KIAA1755: variants seen among roughly 807,000 people sequenced by gnomAD.
KIAA1755 encodes the protein KIAA1755.
Under a neutral mutation model 91.7 loss-of-function variants are expected in KIAA1755, and 68 were observed. That is an observed-to-expected ratio of 0.74 (90% CI 0.61 to 0.91). The LOEUF is 0.91. KIAA1755 is among the 40% of genes least tolerant of loss of function. KIAA1755 has a pLI of 0.00. For missense variants in KIAA1755, 1,535 were observed against 1,494.4 expected, an observed-to-expected ratio of 1.03 and a Z score of -0.45; for synonymous variants, 610 against 604.6, an observed-to-expected ratio of 1.01 and a Z score of -0.13.
chr20:38,251,721 G>T (rs746780116), intron 1 of KIAA1755, among the ~76,000 whole-genome samples: 2 of 151,750 alleles, frequency 1.3e-5, no homozygotes, highest in Non-Finnish European at 2.9e-5. Flanking sequence ...ACCCACCACC[G>T]CGCCCAGCTA....
chr20:38,260,261 A>C, intron 1 of KIAA1755: 1 of 1,544,728 alleles, frequency 6.5e-7, no homozygotes, highest in East Asian at 2.5e-5. Context: ...TTACAAGTAC[A>C]ATCTTACTCC....
At chr20:38,251,595 T>C (rs1293651979) in intron 1 of KIAA1755, among the ~76,000 whole-genome samples, 1 of 149,340 alleles carries the variant, frequency 6.7e-6, no homozygotes, top group African/African-American at 2.5e-5. Context: ...AGACAGAGTC[T>C]CACTTTGTCA....
At chr20:38,236,271 T>A (rs1209335246) in intron 4 of KIAA1755, among the ~76,000 whole-genome samples, 1 of 152,152 alleles carries the variant, frequency 6.6e-6, no homozygotes, top group East Asian at 1.9e-4. Flanking sequence ...AAGTTAGAGA[T>A]GTCTGTGAGA....
chr20:38,236,831 G>A (rs1236653123), intron 4 of KIAA1755: 1 of 152,238 alleles, frequency 6.6e-6, no homozygotes, highest in East Asian at 1.9e-4. Flanking sequence ...TAATGTAAAA[G>A]GGTGAGGGTG....
intron 4 of KIAA1755, among the ~76,000 whole-genome samples, chr20:38,238,771 T>C (rs1263730068): frequency 2.6e-5 from 4 of 152,202 alleles, no homozygotes; most frequent in African/African-American, 9.6e-5. Flanking sequence ...TAAATGTCTG[T>C]TACAACAATG....
At chr20:38,243,064 A>C (rs2076096167) in intron 2 of KIAA1755, among the ~76,000 whole-genome samples, 1 of 152,238 alleles carries the variant, frequency 6.6e-6, no homozygotes, top group African/African-American at 2.4e-5. Flanking sequence ...CCATGTGGCA[A>C]CAACGGAAAC....
intron 4 of KIAA1755, among the ~76,000 whole-genome samples, chr20:38,236,029 C>G (rs568031402): frequency 6.6e-5 from 10 of 152,208 alleles, no homozygotes; most frequent in African/African-American, 2.4e-4. Flanking sequence ...AGCGAGGAGA[C>G]CACTGCAGCA....
chr20:38,250,757 A>T (rs1161671176), intron 1 of KIAA1755, among the ~76,000 whole-genome samples: 1 of 151,958 alleles, frequency 6.6e-6, no homozygotes, highest in African/African-American at 2.4e-5. Context: ...TAGCCCACGA[A>T]AAAACTGGCC....
intron 12 of KIAA1755, 22 bp from the exon 13 acceptor site, chr20:38,217,496 C>A (rs756556435): frequency 6.4e-7 from 1 of 1,554,930 alleles, no homozygotes; most frequent in Non-Finnish European, 8.7e-7. Flanking sequence ...GAGGAGGGGG[C>A]GCCCACTCAG....
intron 1 of KIAA1755, among the ~76,000 whole-genome samples, chr20:38,254,352 A>AG (rs569577400): frequency 1.1e-5 from 1 of 91,176 alleles, no homozygotes; most frequent in Non-Finnish European, 2.2e-5. Context: ...TTCCTTGGGG[A>AG]AAAAAAAAAT....
chr20:38,259,003 C>T (rs760289449), intron 1 of KIAA1755, among the ~76,000 whole-genome samples: 2 of 152,062 alleles, frequency 1.3e-5, no homozygotes, highest in South Asian at 2.1e-4. Context: ...TGACCATGAC[C>T]GCCGAGTGCA....
In KIAA1755 at chr20:38,217,247, G is replaced by A. The variant is rs948222212; in HGVS notation, c.2901+6C>T. On this transcript the variant is annotated splice_donor_region_variant and intron_variant, in intron 13 of 13. Coordinates refer to ENST00000279024, the MANE Select transcript of KIAA1755 (RefSeq NM_001029864.2). ...GGTATCTGTGCAGGTGGGCCGCGGG[G>A]CTCACCCTCTTGCAGAAGCGGTGCA... 1.0e-5 allele frequency: 16 copies of A among 1,590,110 alleles called. No individual in the cohort carries two copies. Among genetic ancestry groups the A allele is most frequent in the Non-Finnish European group, 1.4e-5 (16 of 1,170,674 alleles).
intron 4 of KIAA1755, among the ~76,000 whole-genome samples, chr20:38,232,314 A>C (rs985918177): frequency 6.6e-6 from 1 of 152,020 alleles, no homozygotes; most frequent in Non-Finnish European, 1.5e-5. Flanking sequence ...TTAAAATCTG[A>C]TATAATTTTT....
At chr20:38,217,495 G>A (rs1258410157) in intron 12 of KIAA1755, 21 bp from the exon 13 acceptor site, 2 of 1,561,900 alleles carry the variant, frequency 1.3e-6, no homozygotes, top group Admixed American at 1.8e-5. Flanking sequence ...AGAGGAGGGG[G>A]CGCCCACTCA....
intron 9 of KIAA1755, chr20:38,223,263 G>T: frequency 3.9e-6 from 1 of 253,808 alleles, no homozygotes; most frequent in Non-Finnish European, 7.5e-6. Flanking sequence ...ACACAATTTG[G>T]AATGACATAC....
intron 1 of KIAA1755, among the ~76,000 whole-genome samples, chr20:38,247,643 C>T (rs946206765): frequency 2.6e-5 from 4 of 152,216 alleles, no homozygotes; most frequent in Admixed American, 2.6e-4. Context: ...TGTGAACGTG[C>T]TGTTACAAGA....
chr20:38,260,337 C>A, intron 1 of KIAA1755, 161 bp downstream of exon 1: 22 of 1,564,912 alleles, frequency 1.4e-5, no homozygotes, highest in Non-Finnish European at 1.9e-5. Context: ...GCCCTTGAAC[C>A]CCTGCTGGGG....
chr20:38,210,878 TCAACGC>T lies in KIAA1755; in HGVS notation c.*2158_*2163del, dbSNP rs1247502019. The T allele has an allele frequency of 2.0e-5, 3 of 152,144 alleles. No individual in the cohort carries two copies. Among genetic ancestry groups the T allele is most frequent in the Admixed American group, 6.5e-5 (1 of 15,274 alleles). The allele number at this position is 152,144 out of a possible 1,614,324, so 9.4% of individuals were successfully genotyped here. ...ACAGGCATGGATGGAGATGGGCTGA[TCAACGC>T]CTCTTGCATCTTTGGGCCTGTCTGG... On this transcript the variant is annotated 3_prime_UTR_variant, in exon 14 of 14. Transcript: ENST00000279024.
rs2076155507 is a variant in KIAA1755, at chr20:38,246,107, G to A, written c.23C>T (p.Thr8Ile). The A allele has an allele frequency of 1.2e-6, 2 of 1,613,456 alleles. No homozygotes were observed. The highest frequency in any genetic ancestry group is 1.3e-5 in the African/African-American group (1 of 74,884). The change falls in exon 2 of 14, where the codon ACA becomes ATA. Residue 8 changes from threonine (T) to isoleucine (I), a missense_variant. Transcript: ENST00000279024. Reference protein sequence around the residue: MDPPSLDTAIQHALAGLY... With the variant: MDPPSLDIAIQHALAGLY... ...GCCCGCCAGGGCATGCTGGATGGCT[G>A]TGTCGAGGGATGGAGGGTCCTGTGG...
Sources: gnomAD v4.1 joint callset for allele counts (sites outside exome capture counted in the v4.1 genomes callset) on GRCh38, gnomAD v4.1.1 for gene constraint, MANE v1.5 for transcripts, NCBI Gene and HGNC (gene_info 2026-07-23, HGNC 2026-07-21) for gene names.